Variants in PPM1B observed in about 807,000 individuals in gnomAD.
PPM1B encodes protein phosphatase, Mg2+/Mn2+ dependent 1B.
PPM1B carries 22 observed loss-of-function variants against 43.0 expected under a neutral mutation model. The ratio of observed to expected loss-of-function variants is 0.51; its 90% CI spans 0.37 to 0.73. The LOEUF is 0.73. Among genes scored for constraint, PPM1B ranks in the 30% least tolerant of loss-of-function variants. The probability of loss-of-function intolerance (pLI) is 0.00; values close to 1 mark genes in which losing one functional copy is unlikely to be tolerated. For synonymous variants in PPM1B, 217 were observed against 197.9 expected, an observed-to-expected ratio of 1.10 and a Z score of -0.81; for missense variants, 632 against 584.2, an observed-to-expected ratio of 1.08 and a Z score of -0.84.
chr2:44,233,842 G>A (rs1670536902), downstream of PPM1B: 7 of 985,522 alleles, frequency 7.1e-6, no homozygotes, highest in Non-Finnish European at 8.4e-6. Context: ...GTAAGTTAAA[G>A]TGCTTTACAT....
chr2:44,203,667 A>C (rs1669043368), intron 2 of PPM1B, among the ~76,000 whole-genome samples: 1 of 152,120 alleles, frequency 6.6e-6, no homozygotes, highest in Admixed American at 6.5e-5. Flanking sequence ...TTGTTATTCT[A>C]CAGCCTGCCT....
downstream of PPM1B, chr2:44,234,187 C>T: frequency 1.0e-6 from 1 of 982,782 alleles, no homozygotes; most frequent in African/African-American, 1.7e-5. Flanking sequence ...ACAATATTAA[C>T]CCCTTCTGTA....
chr2:44,219,391 G>A (rs937485730), intron 5 of PPM1B, among the ~76,000 whole-genome samples: 1 of 152,118 alleles, frequency 6.6e-6, no homozygotes, highest in Non-Finnish European at 1.5e-5. Context: ...CAGATTGAGA[G>A]AGAGAGTATC....
At chr2:44,223,814 T>TAAAAAAAA (rs58530902) in intron 5 of PPM1B, among the ~76,000 whole-genome samples, 1 of 36,034 alleles carries the variant, frequency 2.8e-5, no homozygotes, top group African/African-American at 1.0e-4. Flanking sequence ...GGACTCTGTC[T>TAAAAAAAA]AAAAAAAAAA....
At chr2:44,238,841 TC>T (rs1558437720), downstream of PPM1B, among the ~76,000 whole-genome samples, 1 of 152,128 alleles carries the variant, frequency 6.6e-6, no homozygotes, top group African/African-American at 2.4e-5. Context: ...GATCCTATAC[TC>T]CAAGAGTTAA....
At chr2:44,183,351 C>T (rs1246351784) in intron 1 of PPM1B, among the ~76,000 whole-genome samples, 1 of 152,218 alleles carries the variant, frequency 6.6e-6, no homozygotes, top group African/African-American at 2.4e-5. Flanking sequence ...GGAATATCCA[C>T]ATTTTGCCTT....
chr2:44,181,011 C>T (rs1180504371), intron 1 of PPM1B, among the ~76,000 whole-genome samples: 1 of 151,990 alleles, frequency 6.6e-6, no homozygotes, highest in Non-Finnish European at 1.5e-5. Context: ...GAGTGCAGAT[C>T]ACAGCTCACT....
chr2:44,217,889 A>G, intron 3 of PPM1B, 78 bp from the exon 4 acceptor site: 1 of 813,102 alleles, frequency 1.2e-6, no homozygotes. Context: ...GTACTACCAA[A>G]TAGTATCTCT....
At chr2:44,219,600 G>C in intron 5 of PPM1B, among the ~76,000 whole-genome samples, 1 of 152,072 alleles carries the variant, frequency 6.6e-6, no homozygotes, top group East Asian at 1.9e-4. Context: ...TCTTGGTCTA[G>C]AGCAGTGATT....
At chr2:44,194,626 G>A (rs1668570280) in intron 1 of PPM1B, among the ~76,000 whole-genome samples, 1 of 152,064 alleles carries the variant, frequency 6.6e-6, no homozygotes, top group African/African-American at 2.4e-5. Context: ...GGGAGGCTGA[G>A]GCAGGAGAAT....
intron 3 of PPM1B, among the ~76,000 whole-genome samples, chr2:44,213,101 G>C (rs1375463791): frequency 1.4e-5 from 2 of 140,708 alleles, no homozygotes; most frequent in Non-Finnish European, 3.0e-5. Flanking sequence ...CAGTCTTAAG[G>C]CCCTTTTTTT....
At position 44,230,352 on chromosome 2, in the gene PPM1B, T is replaced by C. The variant is rs572837226; in HGVS notation, c.1135-61T>C. 20 of 1,575,458 alleles carry C rather than the reference T, an allele frequency of 1.3e-5. No homozygotes were observed. The South Asian group carries it at 2.0e-4, about 16-fold the overall frequency. ...ATTAGTATTTTGCTGTAATGTGTTA[T>C]GAAATACATGTGATATCCTAGTTTG... On this transcript the variant is annotated intron_variant, in intron 5 of 5. Transcript: ENST00000282412.
intron 2 of PPM1B, among the ~76,000 whole-genome samples, chr2:44,208,660 C>T (rs566890143): frequency 7.9e-5 from 12 of 152,262 alleles, no homozygotes; most frequent in Non-Finnish European, 5.9e-5. Flanking sequence ...TTGCAGTGAG[C>T]CAAGATTGCG....
downstream of PPM1B, among the ~76,000 whole-genome samples, chr2:44,231,880 A>G (rs1670479277): frequency 6.6e-6 from 1 of 152,180 alleles, no homozygotes; most frequent in South Asian, 2.1e-4. Flanking sequence ...TAAATTATAG[A>G]TTTGTCACAT....
intron 5 of PPM1B, among the ~76,000 whole-genome samples, chr2:44,229,785 G>A (rs1422128506): frequency 1.3e-5 from 2 of 152,098 alleles, no homozygotes; most frequent in Non-Finnish European, 2.9e-5. Flanking sequence ...GTAGAAACCT[G>A]TAGATTTTCC....
At position 44,219,446 on chromosome 2, in the gene PPM1B, G is replaced by C. The variant is rs189293444; in HGVS notation, c.1134+909G>C. Among the ~76,000 whole-genome samples, 29 of 151,996 alleles carry C rather than the reference G, an allele frequency of 1.9e-4. No homozygotes were observed. The East Asian group carries it at 5.4e-3, about 28-fold the overall frequency. On this transcript the variant is annotated intron_variant, in intron 5 of 5. Transcript: ENST00000282412. ...GTCATCTCAATTGCATTATTTGCTA[G>C]GATTCATTGTTGCACAGCAATATAA... is the stretch of plus-strand genomic sequence containing the variant.
chr2:44,233,461 A>G (rs889670206), downstream of PPM1B: 3 of 984,268 alleles, frequency 3.0e-6, no homozygotes, highest in Admixed American at 1.2e-4. Context: ...ATTAAATTCA[A>G]TTAATGCTGA....
At chr2:44,192,186 T>G (rs201387534) in intron 1 of PPM1B, among the ~76,000 whole-genome samples, 288 of 48,796 alleles carry the variant, frequency 5.9e-3, no homozygotes, top group African/African-American at 0.017. Flanking sequence ...TTATGTTATG[T>G]TATGGTATTG....
At chr2:44,204,435 T>A (rs1393441808) in intron 2 of PPM1B, among the ~76,000 whole-genome samples, 1 of 152,138 alleles carries the variant, frequency 6.6e-6, no homozygotes, top group Non-Finnish European at 1.5e-5. Context: ...GAAGTCCTAG[T>A]TTTTTCTAAC....
Sources: allele counts gnomAD v4.1 joint callset (sites outside exome capture counted in the v4.1 genomes callset), GRCh38; gene constraint gnomAD v4.1.1; transcripts MANE v1.5; gene names NCBI Gene and HGNC (gene_info 2026-07-23, HGNC 2026-07-21).